Variants in RARS1 observed in about 807,000 individuals in gnomAD.
RARS1 encodes arginyl-tRNA synthetase 1, also known as arginine--tRNA ligase, cytoplasmic.
Under a neutral mutation model 78.7 loss-of-function variants are expected in RARS1, and 75 were observed. The observed-to-expected ratio is 0.95, with a 90% CI of 0.79 to 1.15. The LOEUF (loss-of-function observed/expected upper bound fraction) is 1.15. Among genes scored for constraint, RARS1 ranks in the 50% most tolerant of loss-of-function variants. The pLI is 0.00. For synonymous variants in RARS1, 273 were observed against 268.2 expected (o/e 1.02, Z -0.18); for missense variants, 787 against 787.5 (o/e 1.00, Z 0.01).
Position 168,518,071 on chromosome 5 carries a change from C to CTTTTTTTTGTTTTTTTT in RARS1, c.1873+17_1873+18insGTTTTTTTTTTTTTTTT, listed in dbSNP as rs1758710568. The CTTTTTTTTGTTTTTTTT allele has an allele frequency of 2.7e-6, 2 of 748,132 alleles. No individual in the cohort carries two copies. Among genetic ancestry groups the CTTTTTTTTGTTTTTTTT allele is most frequent in the Non-Finnish European group, 1.6e-6 (1 of 623,206 alleles). The allele number at this position is 748,132 out of a possible 1,614,324, so 46.3% of individuals were successfully genotyped here. A position where few individuals can be genotyped will look rare whatever the true frequency, so the allele number is the denominator to read the frequency against. Reference sequence around the variant, plus strand: ...GAAAGATAGACAGACTGGTGAGTGTCTTTTTTTTTTTTTTTTTTTTTTTTA... The same window carrying CTTTTTTTTGTTTTTTTT: ...GAAAGATAGACAGACTGGTGAGTGTCTTTTTTTTGTTTTTTTTTTTTTTTTTTTTTTTTTTTTTTTTA... On this transcript the variant is annotated intron_variant, in intron 14 of 14. Transcript: ENST00000231572.
At chr5:168,504,103 C>G (rs367793546) in intron 9 of RARS1, among the ~76,000 whole-genome samples, 5 of 148,262 alleles carry the variant, frequency 3.4e-5, no homozygotes, top group African/African-American at 1.2e-4. Context: ...AGAGAGAGGT[C>G]GAGCATGGCA....
chr5:168,505,707 CAAAAAAGAA>C (rs1464568355), intron 9 of RARS1, among the ~76,000 whole-genome samples: 1 of 50,956 alleles, frequency 2.0e-5, no homozygotes, highest in Non-Finnish European at 3.5e-5. Flanking sequence ...GACTGTGTAT[CAAAAAAGAA>C]AAAAAAAAAA....
intron 10 of RARS1, 58 bp downstream of exon 10, chr5:168,506,257 G>A: frequency 7.4e-7 from 1 of 1,343,448 alleles, no homozygotes; most frequent in Non-Finnish European, 1.0e-6. Flanking sequence ...AGACAGTATG[G>A]TGAGGTTGGT....
chr5:168,488,391 G>A, intron 1 of RARS1: 1 of 504,906 alleles, frequency 2.0e-6, no homozygotes, highest in East Asian at 3.8e-5. Flanking sequence ...GCCTCCCAAA[G>A]TGCTGGGATT....
At chr5:168,506,313 T>C (rs1758444311) in intron 10 of RARS1, 114 bp downstream of exon 10, 3 of 888,304 alleles carry the variant, frequency 3.4e-6, no homozygotes. Context: ...AAGACTAAGA[T>C]TCAGGACATC....
intron 3 of RARS1, 37 bp downstream of exon 3, chr5:168,492,884 T>C (rs772669755): frequency 6.8e-7 from 1 of 1,473,712 alleles, no homozygotes; most frequent in South Asian, 1.3e-5. Context: ...GTTTGATTTT[T>C]TTAAGTATTA....
chr5:168,488,874 A>T, intron 2 of RARS1, 138 bp downstream of exon 2: 1 of 1,036,662 alleles, frequency 9.6e-7, no homozygotes, highest in Non-Finnish European at 1.4e-6. Flanking sequence ...TTTTCCCTGC[A>T]TTAGACAACT....
chr5:168,502,380 ATATATT>A (rs1371139705), intron 9 of RARS1, among the ~76,000 whole-genome samples: 1 of 98,100 alleles, frequency 1.0e-5, no homozygotes, highest in Admixed American at 9.8e-5. Context: ...ATATATATAT[ATATATT>A]TTTTTTTTTT....
intron 9 of RARS1, 43 bp from the exon 10 acceptor site, chr5:168,505,978 G>A (rs1304080414): frequency 3.4e-6 from 5 of 1,476,736 alleles, no homozygotes; most frequent in Non-Finnish European, 4.6e-6. Flanking sequence ...TTTTCCTTCA[G>A]GGTTCTTTTA....
In RARS1 at chr5:168,494,004, T is replaced by G. The variant is rs1398787477; in HGVS notation, c.478+2T>G. On this transcript the variant is annotated splice_donor_variant, in intron 4 of 14. Coordinates refer to ENST00000231572, the MANE Select transcript of RARS1 (RefSeq NM_002887.4). LOFTEE classifies it high-confidence loss of function. ...AAAAAGTTGAAATTGCTGGTCCTGG[T>G]ATGACATAATGTTATCCTTCTTAAT... 2 of 1,586,254 alleles carry G rather than the reference T, an allele frequency of 1.3e-6. No homozygotes were observed.
chr5:168,514,907 T>G (rs1240062043), intron 12 of RARS1, among the ~76,000 whole-genome samples: 1 of 152,226 alleles, frequency 6.6e-6, no homozygotes, highest in Non-Finnish European at 1.5e-5. Flanking sequence ...GGAATATCAC[T>G]TAGTTGGATT....
chr5:168,515,154 C>T (rs1475625828), intron 12 of RARS1, among the ~76,000 whole-genome samples: 4 of 152,022 alleles, frequency 2.6e-5, no homozygotes, highest in Non-Finnish European at 4.4e-5. Flanking sequence ...TTAGTATTTT[C>T]CCCCTTTGTC....
chr5:168,518,071 CTT>C lies in RARS1; in HGVS notation c.1873+32_1873+33del, dbSNP rs747777615. On this transcript the variant is annotated intron_variant, in intron 14 of 14. Coordinates refer to ENST00000231572, the MANE Select transcript of RARS1 (RefSeq NM_002887.4). ...GAAAGATAGACAGACTGGTGAGTGT[CTT>C]TTTTTTTTTTTTTTTTTTTTTTAGT... 0.13 allele frequency: 93,950 copies of C among 713,994 alleles called. 17 individuals are homozygous for C. The highest frequency in any genetic ancestry group is 0.14 in the Non-Finnish European group (81,259 of 594,050). 44.2% of individuals were successfully genotyped at this position (713,994 alleles called of 1,614,324 possible).
chr5:168,513,519 C>T (rs1582441815), intron 12 of RARS1, among the ~76,000 whole-genome samples: 1 of 152,044 alleles, frequency 6.6e-6, no homozygotes, highest in East Asian at 1.9e-4. Context: ...GAGGTTTCAC[C>T]ATGTTGGCCA....
At position 168,500,740 on chromosome 5, in the gene RARS1, TC is replaced by T; in HGVS notation, c.952+22del. ...GCCAAGGTGAGTTTCTGGGCTTTGTTCCTTCGTCCAGCAAATACTATGTATA... is the reference window on the plus strand; with the variant it reads ...GCCAAGGTGAGTTTCTGGGCTTTGTTCTTCGTCCAGCAAATACTATGTATA... On this transcript the variant is annotated intron_variant, in intron 8 of 14. Coordinates refer to ENST00000231572, the MANE Select transcript of RARS1 (RefSeq NM_002887.4). 6.2e-7 allele frequency: 1 copy of T among 1,605,662 alleles called. No individual in the cohort carries two copies. The highest frequency in any genetic ancestry group is 8.5e-7 in the Non-Finnish European group (1 of 1,177,212).
chr5:168,495,112 C>A, intron 5 of RARS1: 1 of 833,776 alleles, frequency 1.2e-6, no homozygotes, highest in Non-Finnish European at 1.7e-6. Context: ...GATTCTTTTT[C>A]AGTTAAAAAT....
chr5:168,502,133 T>G (rs1758339517), intron 9 of RARS1, 28 bp downstream of exon 9: 1 of 1,571,970 alleles, frequency 6.4e-7, no homozygotes, highest in African/African-American at 1.4e-5. Flanking sequence ...AACTTTTTAT[T>G]ATGGAAATTT....
At chr5:168,504,813 A>C (rs1758403980) in intron 9 of RARS1, among the ~76,000 whole-genome samples, 1 of 151,652 alleles carries the variant, frequency 6.6e-6, no homozygotes, top group Non-Finnish European at 1.5e-5. Flanking sequence ...TGACAGAGCG[A>C]GACTCCGTCT....
At chr5:168,514,405 T>C (rs1054603722) in intron 12 of RARS1, among the ~76,000 whole-genome samples, 1 of 152,220 alleles carries the variant, frequency 6.6e-6, no homozygotes, top group African/African-American at 2.4e-5. Flanking sequence ...TTCTTTTTGC[T>C]TTATTTTGAA....
Sources: gnomAD v4.1 joint callset for allele counts (sites outside exome capture counted in the v4.1 genomes callset) on GRCh38, gnomAD v4.1.1 for gene constraint, MANE v1.5 for transcripts, NCBI Gene and HGNC (gene_info 2026-07-23, HGNC 2026-07-21) for gene names.